The following GTF2F2 variants were observed in gnomAD, a reference collection of about 807,000 sequenced individuals.
The protein encoded by GTF2F2 is ATP-dependent helicase GTF2F2.
Under a neutral mutation model 42.2 loss-of-function variants are expected in GTF2F2, and 23 were observed. That is an observed-to-expected ratio of 0.55 (90% CI 0.39 to 0.77). The LOEUF (loss-of-function observed/expected upper bound fraction) is 0.77, where lower values mean the gene tolerates loss of function less well. Among genes scored for constraint, GTF2F2 ranks in the 30% least tolerant of loss-of-function variants. GTF2F2 has a pLI of 0.00. For missense variants in GTF2F2, 261 were observed against 287.2 expected, an observed-to-expected ratio of 0.91 and a Z score of 0.66; for synonymous variants, 105 against 100.8, an observed-to-expected ratio of 1.04 and a Z score of -0.25.
At chr13:45,145,104 A>C (rs1272100801) in intron 2 of GTF2F2, among the ~76,000 whole-genome samples, 1 of 139,270 alleles carries the variant, frequency 7.2e-6, no homozygotes, top group East Asian at 1.9e-4. Context: ...ATAATGAGAA[A>C]GCTATAAAAA....
At chr13:45,163,233 G>T (rs141063511) in intron 4 of GTF2F2, among the ~76,000 whole-genome samples, 14 of 152,060 alleles carry the variant, frequency 9.2e-5, no homozygotes, top group African/African-American at 3.1e-4. Context: ...TTATAAAGTC[G>T]GTTCTTTGTT....
chr13:45,268,707 GA>G (rs1876668643), intron 7 of GTF2F2, among the ~76,000 whole-genome samples: 1 of 151,910 alleles, frequency 6.6e-6, no homozygotes, highest in African/African-American at 2.4e-5. Context: ...TGTATGAAAA[GA>G]CCCTTCCAGA....
chr13:45,219,749 T>C (rs1874034712), intron 5 of GTF2F2: 1 of 152,208 alleles, frequency 6.6e-6, no homozygotes, highest in Non-Finnish European at 1.5e-5. Flanking sequence ...TGCTAATCTA[T>C]AATGTACCCC....
intron 4 of GTF2F2, among the ~76,000 whole-genome samples, chr13:45,202,815 T>C (rs891124676): frequency 1.3e-5 from 2 of 151,542 alleles, no homozygotes; most frequent in African/African-American, 4.9e-5. Context: ...TAGCTGGGCA[T>C]GGTGGCGCAC....
intron 5 of GTF2F2, 116 bp from the exon 6 acceptor site, chr13:45,252,755 C>G: frequency 1.7e-6 from 1 of 599,156 alleles, no homozygotes; most frequent in South Asian, 2.2e-5. Context: ...AGTGTATCCT[C>G]TGAGGTTACC....
intron 5 of GTF2F2, among the ~76,000 whole-genome samples, chr13:45,244,460 A>G (rs1875483447): frequency 6.6e-6 from 1 of 152,024 alleles, no homozygotes; most frequent in South Asian, 2.1e-4. Context: ...TACAGTTGTC[A>G]TTTTATTCTT....
At chr13:45,151,036 C>T (rs1309719727) in intron 3 of GTF2F2, among the ~76,000 whole-genome samples, 1 of 151,932 alleles carries the variant, frequency 6.6e-6, no homozygotes, top group African/African-American at 2.4e-5. Flanking sequence ...AGGTATATTG[C>T]ATGATGCTGA....
At chr13:45,281,707 A>C (rs1393258404) in intron 7 of GTF2F2, among the ~76,000 whole-genome samples, 2 of 152,232 alleles carry the variant, frequency 1.3e-5, no homozygotes, top group African/African-American at 4.8e-5. Context: ...GCTAGAGAAA[A>C]GCACTACCTT....
chr13:45,128,724 C>T (rs1869178410), intron 1 of GTF2F2, among the ~76,000 whole-genome samples: 1 of 152,018 alleles, frequency 6.6e-6, no homozygotes, highest in Non-Finnish European at 1.5e-5. Context: ...CTCCCAAGTA[C>T]CTTGGATCAC....
At chr13:45,249,498 GA>G (rs1351514779) in intron 5 of GTF2F2, among the ~76,000 whole-genome samples, 1 of 152,186 alleles carries the variant, frequency 6.6e-6, no homozygotes, top group East Asian at 1.9e-4. Flanking sequence ...AAATTGAAAG[GA>G]AAGTATGCTG....
At chr13:45,121,005 ACGGTG>A (rs1232295715) in intron 1 of GTF2F2, among the ~76,000 whole-genome samples, 1 of 152,078 alleles carries the variant, frequency 6.6e-6, no homozygotes, top group African/African-American at 2.4e-5. Context: ...CCAGATTTGG[ACGGTG>A]CATTTTATCC....
In GTF2F2 at chr13:45,162,195, G is replaced by A. The variant is rs149961191; in HGVS notation, c.304+10364G>A. On this transcript the variant is annotated intron_variant, in intron 4 of 7. Coordinates refer to ENST00000340473, the MANE Select transcript of GTF2F2 (RefSeq NM_004128.3). ...AAGTAGGTAATAGAAATCCTGCTAG[G>A]TCTGCCTGGATAGATGCTCTGTGGT... Among the ~76,000 whole-genome samples the A allele has an allele frequency of 7.9e-5, 12 of 152,244 alleles. No individual in the cohort carries two copies. The East Asian group carries it at 2.1e-3, about 27-fold the overall frequency.
chr13:45,198,607 A>G lies in GTF2F2; in HGVS notation c.305-8817A>G, dbSNP rs966952133. Among the ~76,000 whole-genome samples the G allele has an allele frequency of 3.9e-5, 6 of 152,138 alleles. No homozygotes were observed. The East Asian group carries it at 9.6e-4, about 24-fold the overall frequency. Reference sequence around the variant, plus strand: ...TGTCTTTTAAAAGGATTTCATTCCCATTACCTTAGAAAGAAAGTAAAAGCT... The same window carrying G: ...TGTCTTTTAAAAGGATTTCATTCCCGTTACCTTAGAAAGAAAGTAAAAGCT... On this transcript the variant is annotated intron_variant, in intron 4 of 7. Transcript: ENST00000340473.
chr13:45,209,776 G>T (rs563961434), intron 5 of GTF2F2, among the ~76,000 whole-genome samples: 1 of 152,048 alleles, frequency 6.6e-6, no homozygotes, highest in African/African-American at 2.4e-5. Flanking sequence ...GATCTTTCCC[G>T]CAAAACCCGC....
At chr13:45,175,006 TAACTA>T (rs1461972919) in intron 4 of GTF2F2, among the ~76,000 whole-genome samples, 1 of 152,214 alleles carries the variant, frequency 6.6e-6, no homozygotes, top group African/African-American at 2.4e-5. Flanking sequence ...AAATTATTGT[TAACTA>T]TAGTCACCTT....
intron 4 of GTF2F2, among the ~76,000 whole-genome samples, chr13:45,183,723 C>T (rs780717463): frequency 2.6e-5 from 4 of 152,102 alleles, no homozygotes; most frequent in Admixed American, 6.5e-5. Context: ...ATGTGTTGTG[C>T]GCTTTAAAGC....
chr13:45,238,649 G>GA (rs10711964), intron 5 of GTF2F2, among the ~76,000 whole-genome samples: 194 of 146,662 alleles, frequency 1.3e-3, no homozygotes, highest in Middle Eastern at 3.4e-3. Flanking sequence ...TTGAAGTAAA[G>GA]AAAAAAAAAA....
At chr13:45,236,604 C>T (rs1339121727) in intron 5 of GTF2F2, among the ~76,000 whole-genome samples, 1 of 151,714 alleles carries the variant, frequency 6.6e-6, no homozygotes, top group Admixed American at 6.6e-5. Flanking sequence ...GGAAAGGTGC[C>T]TAAGTGTTAC....
chr13:45,186,331 ACC>A (rs1389767880), intron 4 of GTF2F2, among the ~76,000 whole-genome samples: 15 of 139,524 alleles, frequency 1.1e-4, no homozygotes, highest in African/African-American at 4.1e-4. Context: ...TGGCCCCGTC[ACC>A]CAAACTGGAG....
Sources: gnomAD v4.1 joint callset for allele counts (sites outside exome capture counted in the v4.1 genomes callset) on GRCh38, gnomAD v4.1.1 for gene constraint, MANE v1.5 for transcripts, NCBI Gene and HGNC (gene_info 2026-07-23, HGNC 2026-07-21) for gene names.